The following ILKAP variants were observed in gnomAD, a reference collection of about 807,000 sequenced individuals.
The protein encoded by ILKAP is integrin-linked kinase-associated serine/threonine phosphatase 2C.
ILKAP carries 11 observed loss-of-function variants against 49.1 expected under a neutral mutation model. The ratio of observed to expected loss-of-function variants is 0.22; its 90% CI spans 0.14 to 0.37. The LOEUF (loss-of-function observed/expected upper bound fraction) is 0.37. Among genes scored for constraint, ILKAP ranks in the 10% least tolerant of loss-of-function variants. The pLI is 1.00. For missense variants in ILKAP, 363 were observed against 510.8 expected (o/e 0.71, Z 2.79); for synonymous variants, 186 against 192.8 (o/e 0.96, Z 0.29).
intron 9 of ILKAP, among the ~76,000 whole-genome samples, chr2:238,179,274 T>C (rs1423993853): frequency 1.3e-5 from 2 of 152,070 alleles, no homozygotes; most frequent in African/African-American, 2.4e-5. Flanking sequence ...AAAGGAAGGA[T>C]GGAGGGAAAG....
At chr2:238,190,198 C>T (rs947483011) in intron 3 of ILKAP, among the ~76,000 whole-genome samples, 1 of 152,124 alleles carries the variant, frequency 6.6e-6, no homozygotes, top group Non-Finnish European at 1.5e-5. Flanking sequence ...GTCAAACTGA[C>T]CCTGCTGAAG....
At chr2:238,195,249 T>C (rs1398356959) in intron 1 of ILKAP, among the ~76,000 whole-genome samples, 4 of 152,174 alleles carry the variant, frequency 2.6e-5, no homozygotes, top group African/African-American at 7.2e-5. Context: ...AAAACAATAC[T>C]TGAGACTTCC....
intron 1 of ILKAP, among the ~76,000 whole-genome samples, chr2:238,196,569 A>G (rs1300588952): frequency 1.3e-5 from 2 of 152,156 alleles, no homozygotes; most frequent in African/African-American, 4.8e-5. Context: ...ATCCCCCAAG[A>G]GGGTCATCCC....
At chr2:238,179,765 G>A (rs951042434) in intron 9 of ILKAP, among the ~76,000 whole-genome samples, 7 of 152,166 alleles carry the variant, frequency 4.6e-5, no homozygotes, top group African/African-American at 1.7e-4. Context: ...TCTAAAGAAG[G>A]TCTTACACCT....
chr2:238,182,440 A>C (rs11884218), intron 8 of ILKAP, among the ~76,000 whole-genome samples: 115,833 of 152,054 alleles, frequency 0.76, 44,229 homozygotes, highest in Middle Eastern at 0.87. Context: ...ATAACTACAG[A>C]CAAGTGCTCA....
At chr2:238,176,926 G>A (rs577835468) in intron 9 of ILKAP, among the ~76,000 whole-genome samples, 2 of 152,374 alleles carry the variant, frequency 1.3e-5, no homozygotes, top group South Asian at 4.1e-4. Context: ...TACAATGAGT[G>A]CTACAGAGAT....
Position 238,203,593 on chromosome 2 carries a change from C to A in ILKAP, c.-40G>T. On this transcript the variant is annotated 5_prime_UTR_variant, in exon 1 of 12. Coordinates refer to ENST00000254654, the MANE Select transcript of ILKAP (RefSeq NM_030768.3). ...GGAGGCGGCAGCAGCGACAGACACT[C>A]AGCCCGCGAGCAGCGGCCGGGCTCC... 1 of 1,126,284 alleles carries A rather than the reference C, an allele frequency of 8.9e-7. No individual in the cohort carries two copies. The allele number at this position is 1,126,284 out of a possible 1,614,324, so 69.8% of individuals were successfully genotyped here.
intron 11 of ILKAP, 78 bp from the exon 12 acceptor site, chr2:238,170,754 G>C (rs1012938650): frequency 6.3e-7 from 1 of 1,591,832 alleles, no homozygotes; most frequent in African/African-American, 1.3e-5. Flanking sequence ...CTGCCAGGAA[G>C]AAGAGCTGCT....
chr2:238,179,958 A>G (rs1305280930), intron 9 of ILKAP, among the ~76,000 whole-genome samples: 1 of 152,144 alleles, frequency 6.6e-6, no homozygotes, highest in Non-Finnish European at 1.5e-5. Context: ...CCAAGGCAGA[A>G]GGATCACTTA....
At chr2:238,181,768 G>A (rs933756732) in intron 9 of ILKAP, among the ~76,000 whole-genome samples, 10 of 152,046 alleles carry the variant, frequency 6.6e-5, no homozygotes, top group South Asian at 2.1e-4. Flanking sequence ...GACTACAGGC[G>A]CCCGCCACCA....
intron 1 of ILKAP, 60 bp downstream of exon 1, chr2:238,203,422 AGCCGCCCCGGGCCTCAG>A (rs1416744428): frequency 2.7e-6 from 2 of 749,996 alleles, no homozygotes; most frequent in Non-Finnish European, 3.4e-6. Context: ...GCGCCGCCTC[AGCCGCCCCGGGCCTCAG>A]GCCGCCCCCA....
chr2:238,203,500 G>C lies in ILKAP; in HGVS notation c.54C>G (p.Ala18=). The C allele has an allele frequency of 8.0e-7, 1 of 1,251,724 alleles. No individual in the cohort carries two copies. Among genetic ancestry groups the C allele is most frequent in the African/African-American group, 1.6e-5 (1 of 63,028 alleles). The allele number at this position is 1,251,724 out of a possible 1,614,324, so 77.5% of individuals were successfully genotyped here. The change falls in exon 1 of 12, where the codon GCC becomes GCG. Residue 18 remains alanine (A), a splice_region_variant and synonymous_variant. Transcript: ENST00000254654. ...PEPERSPRPA[A]GKEAQKGPLL... is the part of the protein sequence containing the mutation. ...CGGCCCGGCGGCAACGCCGCTTACC[G>C]GCAGCCGGGCGCGGCGAGCGCTCGG...
At chr2:238,186,472 A>G (rs1440082375) in intron 5 of ILKAP, 1 of 152,206 alleles carries the variant, frequency 6.6e-6, no homozygotes, top group Non-Finnish European at 1.5e-5. Flanking sequence ...CATCTCTACA[A>G]AATTTGTAAT....
intron 1 of ILKAP, among the ~76,000 whole-genome samples, chr2:238,200,899 A>C (rs1694541434): frequency 6.6e-6 from 1 of 152,262 alleles, no homozygotes; most frequent in African/African-American, 2.4e-5. Flanking sequence ...TACATACTGT[A>C]CTAATTTGTA....
Position 238,189,962 on chromosome 2 carries a change from G to C in ILKAP, c.189C>G (p.Ala63=). The C allele has an allele frequency of 6.2e-7, 1 of 1,613,752 alleles. No individual in the cohort carries two copies. Among genetic ancestry groups the C allele is most frequent in the African/African-American group, 1.3e-5 (1 of 74,960 alleles). ...PASSGDSGSL[A]TSISQMVKTE... is the part of the protein sequence containing the mutation. ...TCTTTACCATCTGGGATATTGATGT[G>C]GCAAGAGAACCTGGAAATAAAGTAA... The change falls in exon 4 of 12, where the codon GCC becomes GCG. Residue 63 remains alanine (A), a synonymous_variant. Transcript: ENST00000254654.
intron 1 of ILKAP, among the ~76,000 whole-genome samples, chr2:238,203,081 G>A (rs1299037207): frequency 6.6e-6 from 1 of 151,722 alleles, no homozygotes; most frequent in Non-Finnish European, 1.5e-5. Flanking sequence ...CGGGTGAAGT[G>A]CGGCCCGGAA....
intron 1 of ILKAP, 52 bp downstream of exon 1, chr2:238,203,447 C>A: frequency 1.4e-5 from 15 of 1,092,736 alleles, no homozygotes; most frequent in Non-Finnish European, 1.7e-5. Context: ...CAGGCCGCCC[C>A]CATCCCGCCT....
chr2:238,184,033 G>T lies in ILKAP; in HGVS notation c.613C>A (p.Gln205Lys). 1 of 1,604,100 alleles carries T rather than the reference G, an allele frequency of 6.2e-7. No homozygotes were observed. The highest frequency in any genetic ancestry group is 8.5e-7 in the Non-Finnish European group (1 of 1,170,852). ...FKHTDEEFLK[Q>K]ASSQKPAWKD... ...AGTTATACTTACTGGCTGGAAGCTT[G>T]TTTAAGGAACTCTTCATCAGTATGC... Residue 205 changes from glutamine to lysine, a missense_variant, in exon 7 of 12, where the codon CAA (glutamine) becomes AAA (lysine). By Grantham distance (53) the Gln-to-Lys change is moderately conservative. Around this residue, in one of 3 missense-constraint regions of ILKAP, gnomAD observed 166 missense variants for 307.3 expected, o/e 0.54. Transcript: ENST00000254654.
chr2:238,175,122 CTTTT>C (rs34662576), intron 9 of ILKAP, among the ~76,000 whole-genome samples: 1 of 148,160 alleles, frequency 6.7e-6, no homozygotes, highest in Non-Finnish European at 1.5e-5. Context: ...CTCATTCTCT[CTTTT>C]TTTTTTTAAG....
Sources: allele counts gnomAD v4.1 joint callset (sites outside exome capture counted in the v4.1 genomes callset), GRCh38; gene constraint gnomAD v4.1.1; regional missense constraint gnomAD v4.1.1; transcripts MANE v1.5; gene names NCBI Gene and HGNC (gene_info 2026-07-23, HGNC 2026-07-21).